The following CMIP variants were observed in gnomAD, a reference collection of about 807,000 sequenced individuals.
CMIP encodes C-Maf-inducing protein.
Under a neutral mutation model 97.3 loss-of-function variants are expected in CMIP, and 13 were observed. That is an observed-to-expected ratio of 0.13 (90% confidence interval 0.09 to 0.21). The LOEUF is 0.21. Among genes scored for constraint, CMIP ranks in the 10% least tolerant of loss-of-function variants. The pLI is 1.00. For synonymous variants in CMIP, 538 were observed against 436.3 expected, an observed-to-expected ratio of 1.23 and a Z score of -2.91; for missense variants, 847 against 1,024.9, an observed-to-expected ratio of 0.83 and a Z score of 2.37.
chr16:81,668,273 G>C (rs1178550421), intron 7 of CMIP, among the ~76,000 whole-genome samples: 2 of 152,124 alleles, frequency 1.3e-5, no homozygotes, highest in Non-Finnish European at 2.9e-5. Flanking sequence ...TGCCGCTCCT[G>C]GGTGGCCAGA....
At chr16:81,697,691 G>T (rs1181974909) in intron 14 of CMIP, 6 of 152,288 alleles carry the variant, frequency 3.9e-5, no homozygotes, top group African/African-American at 1.4e-4. Context: ...CGCCGGTGGT[G>T]ATTCTCCTCT....
At chr16:81,642,456 T>A (rs2092317288) in intron 3 of CMIP, among the ~76,000 whole-genome samples, 1 of 152,218 alleles carries the variant, frequency 6.6e-6, no homozygotes, top group Middle Eastern at 3.2e-3. Context: ...AGTAATTGTG[T>A]GGGGTAAATT....
chr16:81,483,563 G>GCCTCTC (rs2089264873), intron 1 of CMIP, among the ~76,000 whole-genome samples: 1 of 148,142 alleles, frequency 6.8e-6, no homozygotes, highest in African/African-American at 2.5e-5. Flanking sequence ...CCCTCCCGCA[G>GCCTCTC]CCTCTTCCTC....
At chr16:81,462,812 A>T (rs898059505) in intron 1 of CMIP, among the ~76,000 whole-genome samples, 14 of 152,206 alleles carry the variant, frequency 9.2e-5, no homozygotes, top group African/African-American at 3.4e-4. Context: ...GGAATCAGGC[A>T]GATGGTGGCT....
chr16:81,553,265 G>T (rs1416679416), intron 1 of CMIP, among the ~76,000 whole-genome samples: 1 of 152,140 alleles, frequency 6.6e-6, no homozygotes, highest in Non-Finnish European at 1.5e-5. Context: ...GGCTTCCTGC[G>T]TCCTGGCCTG....
chr16:81,515,441 G>T (rs993955948), intron 1 of CMIP, among the ~76,000 whole-genome samples: 3 of 152,176 alleles, frequency 2.0e-5, no homozygotes, highest in Non-Finnish European at 2.9e-5. Context: ...GGCTTTGAAG[G>T]CTGGGTGGGC....
rs185350356 is a variant in CMIP at position 81,452,719 on chromosome 16, G to T, written c.300+7178G>T. Among the ~76,000 whole-genome samples the T allele has an allele frequency of 7.9e-5, 12 of 152,240 alleles. No individual in the cohort carries two copies. In the East Asian group the frequency reaches 2.1e-3, roughly 27 times the overall value. ...TGCACCTGGTACATGTTCTATGATTGTCAGTTTCCTTCCTCCTGCTCTGTG... is the reference window on the plus strand; with the variant it reads ...TGCACCTGGTACATGTTCTATGATTTTCAGTTTCCTTCCTCCTGCTCTGTG... On this transcript the variant is annotated intron_variant, in intron 1 of 20. Transcript: ENST00000537098.
chr16:81,560,547 A>T (rs2090862386), intron 1 of CMIP, among the ~76,000 whole-genome samples: 1 of 152,172 alleles, frequency 6.6e-6, no homozygotes, highest in Non-Finnish European at 1.5e-5. Context: ...AATGTAGTGT[A>T]GCCTAAGTGT....
chr16:81,528,101 T>C (rs1342222810), intron 1 of CMIP, among the ~76,000 whole-genome samples: 1 of 152,262 alleles, frequency 6.6e-6, no homozygotes, highest in Non-Finnish European at 1.5e-5. Context: ...TGTCAGTCTT[T>C]TAAATTTTAG....
chr16:81,691,972 G>T (rs1402483347), intron 11 of CMIP, 132 bp downstream of exon 11: 3 of 777,698 alleles, frequency 3.9e-6, no homozygotes, highest in East Asian at 5.4e-5. Flanking sequence ...GGAGACGTCG[G>T]TACCAGCTCA....
chr16:81,703,205 G>C (rs1268333864), intron 17 of CMIP, among the ~76,000 whole-genome samples: 2 of 151,984 alleles, frequency 1.3e-5, no homozygotes, highest in East Asian at 1.9e-4. Context: ...AAACTTCCTG[G>C]AAGTTCTACT....
At chr16:81,527,845 G>A (rs527299973) in intron 1 of CMIP, among the ~76,000 whole-genome samples, 16 of 152,302 alleles carry the variant, frequency 1.1e-4, no homozygotes, top group African/African-American at 3.4e-4. Context: ...GGGCATTCAC[G>A]TTGTTGCCTT....
intron 1 of CMIP, among the ~76,000 whole-genome samples, chr16:81,481,570 G>A (rs1048450166): frequency 6.6e-6 from 1 of 152,206 alleles, no homozygotes; most frequent in African/African-American, 2.4e-5. Context: ...GCTCCCAGAG[G>A]GTGCTGTTTC....
At chr16:81,492,791 G>A (rs898994340) in intron 1 of CMIP, among the ~76,000 whole-genome samples, 1 of 152,150 alleles carries the variant, frequency 6.6e-6, no homozygotes, top group African/African-American at 2.4e-5. Context: ...ATGTGGAAGA[G>A]GAGGGGAGGC....
intron 7 of CMIP, among the ~76,000 whole-genome samples, chr16:81,669,070 A>C (rs1597222682): frequency 6.3e-5 from 6 of 94,600 alleles, no homozygotes; most frequent in Admixed American, 1.1e-4. Flanking sequence ...CACCTCTCAC[A>C]CTCACCTCCT....
intron 1 of CMIP, among the ~76,000 whole-genome samples, chr16:81,574,068 A>G (rs1163118558): frequency 6.6e-6 from 1 of 152,168 alleles, no homozygotes; most frequent in Non-Finnish European, 1.5e-5. Context: ...AATTAAACTT[A>G]AGAATTCAGA....
chr16:81,583,510 G>A (rs1325774654), intron 1 of CMIP, among the ~76,000 whole-genome samples: 1 of 152,258 alleles, frequency 6.6e-6, no homozygotes, highest in African/African-American at 2.4e-5. Context: ...ACCCTGGGCA[G>A]AGAGCGGGAC....
At chr16:81,664,878 T>G in intron 7 of CMIP, 1 of 171,584 alleles carries the variant, frequency 5.8e-6, no homozygotes, top group Non-Finnish European at 1.2e-5. Flanking sequence ...CTCTATGGTC[T>G]TCCTCCCAGT....
At chr16:81,520,569 G>GGGGGGAGA (rs370420453) in intron 1 of CMIP, 2 of 106,950 alleles carry the variant, frequency 1.9e-5, no homozygotes, top group African/African-American at 8.7e-5. Flanking sequence ...GGAGGAAGGG[G>GGGGGGAGA]GAGAGAGAGA....
Sources: gnomAD v4.1 joint callset for allele counts (sites outside exome capture counted in the v4.1 genomes callset) on GRCh38, gnomAD v4.1.1 for gene constraint, MANE v1.5 for transcripts, NCBI Gene and HGNC (gene_info 2026-07-23, HGNC 2026-07-21) for gene names.